Variants in BBS9 observed in about 807,000 individuals in gnomAD.
BBS9 encodes the protein protein PTHB1.
BBS9 carries 89 observed loss-of-function variants against 117.7 expected under a neutral mutation model. The observed-to-expected ratio is 0.76, with a 90% CI of 0.64 to 0.90. BBS9 has a LOEUF of 0.90. BBS9 is among the 40% of genes least tolerant of loss of function. The pLI is 0.00. For synonymous variants in BBS9, 379 were observed against 370.9 expected (o/e 1.02, Z -0.25); for missense variants, 982 against 1,042.2 (o/e 0.94, Z 0.80).
At chr7:33,623,331 A>G (rs1865497910) in intron 21 of BBS9, among the ~76,000 whole-genome samples, 2 of 152,200 alleles carry the variant, frequency 1.3e-5, no homozygotes, top group African/African-American at 2.4e-5. Flanking sequence ...AAATTAAAAC[A>G]CAATATTTTG....
At chr7:33,264,184 A>T (rs1339800653) in intron 6 of BBS9, 106 bp from the exon 7 acceptor site, 3 of 518,486 alleles carry the variant, frequency 5.8e-6, no homozygotes, top group Non-Finnish European at 9.2e-6. Context: ...ACTAGGAAAA[A>T]GTGCTTTATA....
chr7:33,268,737 G>A (rs1799247577), intron 7 of BBS9, among the ~76,000 whole-genome samples: 1 of 152,092 alleles, frequency 6.6e-6, no homozygotes, highest in Non-Finnish European at 1.5e-5. Context: ...TCACAGAGTG[G>A]CATTCAGTAC....
intron 2 of BBS9, among the ~76,000 whole-genome samples, chr7:33,150,708 T>C (rs184322194): frequency 2.8e-4 from 43 of 152,246 alleles, no homozygotes; most frequent in Middle Eastern, 3.4e-3. Flanking sequence ...CCAGGGCTTG[T>C]ATCTTGGGGA....
At chr7:33,513,826 A>G (rs1178651916) in intron 20 of BBS9, among the ~76,000 whole-genome samples, 1 of 152,230 alleles carries the variant, frequency 6.6e-6, no homozygotes, top group Non-Finnish European at 1.5e-5. Context: ...CACTTCACCT[A>G]TATTGATTTA....
chr7:33,152,609 A>G (rs751305909), intron 2 of BBS9, 92 bp from the exon 3 acceptor site: 54 of 1,225,608 alleles, frequency 4.4e-5, no homozygotes, highest in Non-Finnish European at 5.0e-5. Context: ...TAATTTTTAG[A>G]TTTCTCTTTT....
chr7:33,344,651 T>TA lies in BBS9; in HGVS notation c.1329+18dup. On this transcript the variant is annotated intron_variant, in intron 12 of 22. Coordinates refer to ENST00000242067, the MANE Select transcript of BBS9 (RefSeq NM_198428.3). ...ACGGTGAAGGTATTGTACCAGATTT[T>TA]AGACTGTAATGTGCAAACAATATGA... 1 of 1,610,856 alleles carries TA rather than the reference T, an allele frequency of 6.2e-7. No individual in the cohort carries two copies. Among genetic ancestry groups the TA allele is most frequent in the Non-Finnish European group, 8.5e-7 (1 of 1,177,030 alleles).
At chr7:33,230,605 AGTGTACCACTCTGTACACCTTT>A (rs748795061) in intron 5 of BBS9, among the ~76,000 whole-genome samples, 27 of 152,108 alleles carry the variant, frequency 1.8e-4, no homozygotes, top group Non-Finnish European at 3.2e-4. Context: ...TGCAATGTCT[AGTGTACCACTCTGTACACCTTT>A]GTGTTCCCGT....
At chr7:33,627,889 A>T (rs1479942266) in intron 21 of BBS9, among the ~76,000 whole-genome samples, 1 of 152,122 alleles carries the variant, frequency 6.6e-6, no homozygotes, top group Non-Finnish European at 1.5e-5. Flanking sequence ...CAAAAAAATA[A>T]AAGAATTAGC....
At chr7:33,537,126 T>C (rs2598409) in intron 21 of BBS9, among the ~76,000 whole-genome samples, 22,537 of 152,024 alleles carry the variant, frequency 0.15, 2,521 homozygotes, top group African/African-American at 0.28. Context: ...TCTAAGAAGG[T>C]GAAGTGAATA....
intron 5 of BBS9, among the ~76,000 whole-genome samples, chr7:33,251,770 G>A (rs901572570): frequency 1.3e-5 from 2 of 152,136 alleles, no homozygotes; most frequent in African/African-American, 4.8e-5. Flanking sequence ...TGCAGATAAG[G>A]AAACTTGAGT....
chr7:33,229,845 A>G (rs1003299910), intron 5 of BBS9, among the ~76,000 whole-genome samples: 5 of 152,318 alleles, frequency 3.3e-5, no homozygotes, highest in Admixed American at 6.5e-5. Flanking sequence ...CCTATTTTCC[A>G]TAATGGCTAT....
rs145497092 is a variant in BBS9, at chr7:33,232,456, T to C, written c.443-24780T>C. ...TTTTGGTGAACACTTAGAGACTTTG[T>C]AGATTGTAATTAAATCCTCCCTTCC... is the stretch of plus-strand genomic sequence containing the variant. On this transcript the variant is annotated intron_variant, in intron 5 of 22. Transcript: ENST00000242067. Among the ~76,000 whole-genome samples, 1,329 of 152,278 alleles carry C rather than the reference T, an allele frequency of 8.7e-3. 14 individuals are homozygous for C. Among genetic ancestry groups the C allele is most frequent in the Non-Finnish European group, 0.015 (1,053 of 67,990 alleles).
intron 9 of BBS9, among the ~76,000 whole-genome samples, chr7:33,297,430 A>G (rs192770913): frequency 3.2e-4 from 48 of 152,300 alleles, no homozygotes; most frequent in Non-Finnish European, 5.1e-4. Flanking sequence ...AATTGTAATC[A>G]TTGATCAGTC....
At chr7:33,430,232 A>G (rs961766841) in intron 19 of BBS9, among the ~76,000 whole-genome samples, 8 of 152,356 alleles carry the variant, frequency 5.3e-5, no homozygotes, top group African/African-American at 1.7e-4. Flanking sequence ...TCACTTACTC[A>G]AAAGATGTTG....
At chr7:33,616,987 C>T (rs1350727300) in intron 21 of BBS9, among the ~76,000 whole-genome samples, 4 of 151,922 alleles carry the variant, frequency 2.6e-5, no homozygotes, top group African/African-American at 9.7e-5. Context: ...TGGGTTATAT[C>T]ACTTGAGATA....
upstream of BBS9, chr7:33,129,323 A>G (rs1292406572): frequency 1.8e-6 from 1 of 543,228 alleles, no homozygotes; most frequent in Non-Finnish European, 3.3e-6. Context: ...AGGCAGGAGG[A>G]GGGTCTTCCT....
At chr7:33,408,772 C>T (rs978769708) in intron 19 of BBS9, among the ~76,000 whole-genome samples, 2 of 152,220 alleles carry the variant, frequency 1.3e-5, no homozygotes, top group Admixed American at 6.5e-5. Context: ...TCTCAGTTCT[C>T]TGAGAAATCT....
intron 5 of BBS9, among the ~76,000 whole-genome samples, chr7:33,216,722 G>C (rs1789134649): frequency 1.3e-5 from 2 of 152,244 alleles, no homozygotes; most frequent in East Asian, 3.9e-4. Context: ...CTATTGATAT[G>C]GTATGAAGGA....
chr7:33,276,110 C>T (rs1432549374), intron 9 of BBS9, among the ~76,000 whole-genome samples: 2 of 151,744 alleles, frequency 1.3e-5, no homozygotes, highest in Non-Finnish European at 2.9e-5. Flanking sequence ...TCTTTTCTTA[C>T]ATATAATTTA....
Sources: gnomAD v4.1 joint callset for allele counts (sites outside exome capture counted in the v4.1 genomes callset) on GRCh38, gnomAD v4.1.1 for gene constraint, MANE v1.5 for transcripts, NCBI Gene and HGNC (gene_info 2026-07-23, HGNC 2026-07-21) for gene names.